Variants in GALNT13 observed in about 807,000 individuals in gnomAD.
GALNT13 encodes the protein polypeptide N-acetylgalactosaminyltransferase 13.
In GALNT13, 28 loss-of-function variants were observed where a neutral mutation model predicts 64.2. The observed-to-expected ratio is 0.44, with a 90% CI of 0.32 to 0.60. The LOEUF (loss-of-function observed/expected upper bound fraction) is 0.60. GALNT13 is among the 20% of genes least tolerant of loss of function. The pLI, the probability that GALNT13 is intolerant of heterozygous loss-of-function variation, is 0.05. For missense variants in GALNT13, 577 were observed against 669.8 expected (o/e 0.86, Z 1.53); for synonymous variants, 214 against 224.6 (o/e 0.95, Z 0.42).
At chr2:153,805,714 G>A in the GALNT13 span, among the ~76,000 whole-genome samples, 1 of 152,028 alleles carries the variant, frequency 6.6e-6, no homozygotes. Flanking sequence ...TGGATGTGGT[G>A]ATATTAATAT....
In GALNT13 at chr2:154,386,802, A is replaced by T. The variant is rs16837024; in HGVS notation, c.1157-9189A>T. ...CACTTTTCTTATTTCCCATATTCTCAATGATCTTGGACCAAGCATTTGAAT... is the reference window on the plus strand; with the variant it reads ...CACTTTTCTTATTTCCCATATTCTCTATGATCTTGGACCAAGCATTTGAAT... On this transcript the variant is annotated intron_variant, in intron 9 of 12. Coordinates refer to ENST00000392825, the MANE Select transcript of GALNT13 (RefSeq NM_052917.4). Among the ~76,000 whole-genome samples, 137 of 152,174 alleles carry T rather than the reference A, an allele frequency of 9.0e-4. 1 individual carries two copies. In the East Asian group the frequency reaches 0.025, roughly 28 times the overall value.
chr2:153,547,892 T>A, the GALNT13 span, among the ~76,000 whole-genome samples: 1 of 152,168 alleles, frequency 6.6e-6, no homozygotes, highest in East Asian at 1.9e-4. Flanking sequence ...GAGCCCTGGT[T>A]TTGATATCCA....
At chr2:154,280,153 G>A (rs958381119) in intron 8 of GALNT13, among the ~76,000 whole-genome samples, 1 of 152,102 alleles carries the variant, frequency 6.6e-6, no homozygotes, top group Admixed American at 6.5e-5. Context: ...CGATGGTGGG[G>A]GTGAGAAACT....
At chr2:153,200,071 G>C in the GALNT13 span, among the ~76,000 whole-genome samples, 1 of 152,156 alleles carries the variant, frequency 6.6e-6, no homozygotes, top group Non-Finnish European at 1.5e-5. Context: ...ACATGCCATA[G>C]GAGTAGACTT....
the GALNT13 span, among the ~76,000 whole-genome samples, chr2:153,492,920 TAACA>T: frequency 0.17 from 25,170 of 151,988 alleles, 2,570 homozygotes; most frequent in Admixed American, 0.3. Flanking sequence ...CTTAGAAATT[TAACA>T]AACAATTTCT....
chr2:154,094,028 T>C (rs1286891482), intron 3 of GALNT13, among the ~76,000 whole-genome samples: 1 of 151,938 alleles, frequency 6.6e-6, no homozygotes, highest in Non-Finnish European at 1.5e-5. Context: ...TGTTTAGAGT[T>C]TGGCATTTAA....
the GALNT13 span, among the ~76,000 whole-genome samples, chr2:153,714,664 T>C: frequency 3.3e-5 from 5 of 152,334 alleles, no homozygotes; most frequent in African/African-American, 1.2e-4. Flanking sequence ...AAGTACTCAA[T>C]GTACCTATTC....
chr2:153,302,672 G>C, the GALNT13 span, among the ~76,000 whole-genome samples: 1 of 152,074 alleles, frequency 6.6e-6, no homozygotes, highest in African/African-American at 2.4e-5. Flanking sequence ...TCTTCTAGTA[G>C]TTTTACAACT....
chr2:154,446,518 T>C (rs1238995659), intron 12 of GALNT13: 2 of 1,480,940 alleles, frequency 1.4e-6, no homozygotes, highest in East Asian at 2.5e-5. Context: ...GATTTATTAC[T>C]GTCTTTGTAC....
At chr2:154,111,717 G>C (rs1033071156) in intron 3 of GALNT13, among the ~76,000 whole-genome samples, 23 of 152,154 alleles carry the variant, frequency 1.5e-4, no homozygotes, top group African/African-American at 5.3e-4. Context: ...TTGGGAGAAA[G>C]AGCACCATAT....
At chr2:153,163,888 G>A in the GALNT13 span, among the ~76,000 whole-genome samples, 12 of 151,924 alleles carry the variant, frequency 7.9e-5, no homozygotes, top group South Asian at 4.2e-4. Flanking sequence ...CGTGGTGGCG[G>A]GCGCCTGTAG....
the GALNT13 span, among the ~76,000 whole-genome samples, chr2:153,733,435 G>A: frequency 6.6e-6 from 1 of 152,116 alleles, no homozygotes; most frequent in Non-Finnish European, 1.5e-5. Flanking sequence ...ATAAATATAT[G>A]TAGAATGATT....
chr2:154,301,281 A>G, intron 8 of GALNT13, 128 bp from the exon 9 acceptor site: 1 of 748,636 alleles, frequency 1.3e-6, no homozygotes, highest in Non-Finnish European at 2.2e-6. Context: ...AGTATAGTGT[A>G]CCAGTTCTAA....
chr2:154,421,908 T>C (rs1574276475), intron 11 of GALNT13, among the ~76,000 whole-genome samples: 1 of 152,056 alleles, frequency 6.6e-6, no homozygotes, highest in Non-Finnish European at 1.5e-5. Flanking sequence ...AAAAGAATCA[T>C]TAACAATACA....
chr2:153,863,976 A>T, the GALNT13 span, among the ~76,000 whole-genome samples: 3 of 152,214 alleles, frequency 2.0e-5, no homozygotes, highest in Non-Finnish European at 4.4e-5. Flanking sequence ...AAGTACACGG[A>T]AGTTACAAAG....
the GALNT13 span, among the ~76,000 whole-genome samples, chr2:153,333,638 G>A: frequency 2.6e-4 from 40 of 152,162 alleles, no homozygotes; most frequent in Middle Eastern, 3.4e-3. Flanking sequence ...ACTCCTAGAA[G>A]ATGAGATATT....
chr2:153,445,800 C>T, the GALNT13 span, among the ~76,000 whole-genome samples: 4 of 152,124 alleles, frequency 2.6e-5, no homozygotes, highest in African/African-American at 9.7e-5. Context: ...CAGCATTATA[C>T]TTGATAGTGA....
At chr2:153,712,782 A>T in the GALNT13 span, among the ~76,000 whole-genome samples, 1 of 152,216 alleles carries the variant, frequency 6.6e-6, no homozygotes, top group African/African-American at 2.4e-5. Context: ...TCATTATGAA[A>T]GCCATCATTG....
the GALNT13 span, among the ~76,000 whole-genome samples, chr2:153,634,414 G>T: frequency 4.6e-5 from 7 of 151,790 alleles, no homozygotes; most frequent in Admixed American, 1.3e-4. Context: ...AATTGTTCTT[G>T]ATGACATCTA....
Sources: gnomAD v4.1 joint callset for allele counts (sites outside exome capture counted in the v4.1 genomes callset) on GRCh38, gnomAD v4.1.1 for gene constraint, MANE v1.5 for transcripts, NCBI Gene and HGNC (gene_info 2026-07-23, HGNC 2026-07-21) for gene names.